RBFOX1: variants seen among roughly 807,000 people sequenced by gnomAD.
The protein encoded by RBFOX1 is RNA binding fox-1 homolog 1, also known as RNA binding protein fox-1 homolog 1.
In RBFOX1, 8 loss-of-function variants were observed where a neutral mutation model predicts 57.7. That is an observed-to-expected ratio of 0.14 (90% confidence interval 0.08 to 0.25). The LOEUF (loss-of-function observed/expected upper bound fraction) is 0.25. Ranked by LOEUF, RBFOX1 falls within the 10% of genes least tolerant of loss-of-function variation. The pLI is 1.00. For synonymous variants in RBFOX1, 326 were observed against 222.4 expected (o/e 1.47, Z -4.15); for missense variants, 611 against 548.5 (o/e 1.11, Z -1.14).
chr16:7,373,210 G>T (rs1332728090), intron 4 of RBFOX1, among the ~76,000 whole-genome samples: 2 of 152,226 alleles, frequency 1.3e-5, no homozygotes, highest in South Asian at 2.1e-4. Flanking sequence ...TGGGATTACA[G>T]GTGTGAGCCA....
intron 4 of RBFOX1, among the ~76,000 whole-genome samples, chr16:5,998,721 G>A (rs1278675395): frequency 6.6e-6 from 1 of 152,090 alleles, no homozygotes; most frequent in Non-Finnish European, 1.5e-5. Flanking sequence ...ACTTTACCCA[G>A]TCTCTGATTG....
chr16:7,572,552 A>C (rs149166607), intron 5 of RBFOX1, among the ~76,000 whole-genome samples: 5 of 152,128 alleles, frequency 3.3e-5, no homozygotes, highest in Non-Finnish European at 7.4e-5. Context: ...ATCAAAAATA[A>C]TAATAGGCTG....
intron 1 of RBFOX1, among the ~76,000 whole-genome samples, chr16:6,248,443 A>G (rs2152939565): frequency 6.6e-6 from 1 of 152,296 alleles, no homozygotes; most frequent in East Asian, 1.9e-4. Context: ...GGACATGGGT[A>G]TAAATAAGCT....
At chr16:5,872,578 A>G (rs77868969) in intron 4 of RBFOX1, among the ~76,000 whole-genome samples, 1 of 149,932 alleles carries the variant, frequency 6.7e-6, no homozygotes. Context: ...CTACAGAAAG[A>G]AAAAAAAAAT....
chr16:7,421,107 C>T (rs1245524620), intron 4 of RBFOX1, among the ~76,000 whole-genome samples: 1 of 151,922 alleles, frequency 6.6e-6, no homozygotes. Context: ...GTTGGCTTTT[C>T]TTGCTACAGG....
intron 3 of RBFOX1, among the ~76,000 whole-genome samples, chr16:5,612,253 C>A (rs764232694): frequency 6.7e-6 from 1 of 148,352 alleles, no homozygotes; most frequent in African/African-American, 2.5e-5. Flanking sequence ...ATCAGTTCTC[C>A]CATCCATCCA....
chr16:7,553,173 C>G (rs895163240), intron 5 of RBFOX1, among the ~76,000 whole-genome samples: 1 of 152,176 alleles, frequency 6.6e-6, no homozygotes, highest in African/African-American at 2.4e-5. Flanking sequence ...GAGACAGGGT[C>G]TTTCTCTGTC....
At chr16:6,020,192 C>T (rs1252069366) in intron 1 of RBFOX1, among the ~76,000 whole-genome samples, 200 bp downstream of exon 1, 1 of 151,778 alleles carries the variant, frequency 6.6e-6, no homozygotes, top group African/African-American at 2.4e-5. Flanking sequence ...GAGGCCGAGA[C>T]CCTGAGCCCC....
chr16:6,316,085 A>G (rs767866979), intron 1 of RBFOX1, among the ~76,000 whole-genome samples: 12 of 152,174 alleles, frequency 7.9e-5, no homozygotes, highest in Non-Finnish European at 1.5e-4. Flanking sequence ...GAGTAATTCA[A>G]TTATCGATGG....
chr16:6,840,406 G>C (rs574134439), intron 3 of RBFOX1, among the ~76,000 whole-genome samples: 10 of 152,242 alleles, frequency 6.6e-5, no homozygotes, highest in Non-Finnish European at 1.2e-4. Context: ...TTCATTAAAT[G>C]TTGAGTATGA....
At chr16:6,807,560 G>C (rs1555489177) in intron 3 of RBFOX1, among the ~76,000 whole-genome samples, 1 of 152,078 alleles carries the variant, frequency 6.6e-6, no homozygotes, top group Non-Finnish European at 1.5e-5. Flanking sequence ...GCTCACACCT[G>C]TAATCCCAGC....
intron 4 of RBFOX1, among the ~76,000 whole-genome samples, chr16:7,096,066 A>G (rs540150391): frequency 1.4e-4 from 21 of 152,154 alleles, no homozygotes; most frequent in African/African-American, 5.1e-4. Flanking sequence ...GAGAGCATCT[A>G]ATGCATGAGA....
At chr16:7,260,953 C>T (rs187106123) in intron 4 of RBFOX1, among the ~76,000 whole-genome samples, 2 of 152,266 alleles carry the variant, frequency 1.3e-5, no homozygotes, top group East Asian at 3.9e-4. Flanking sequence ...CACCTACAGC[C>T]CCTTCAAGGG....
chr16:5,840,699 T>A lies in RBFOX1; in HGVS notation c.319-26604T>A, dbSNP rs182217970. On this transcript the variant is annotated intron_variant, in intron 3 of 19. Transcript: ENST00000641259. ...GCCGTGGGTCACCACTGCTTGGAGATGTGTGTAGGTGAAGCAGAAGGAGCC... is the reference window on the plus strand; with the variant it reads ...GCCGTGGGTCACCACTGCTTGGAGAAGTGTGTAGGTGAAGCAGAAGGAGCC... Among the ~76,000 whole-genome samples the A allele has an allele frequency of 3.0e-4, 46 of 152,262 alleles. 1 individual carries two copies. Among genetic ancestry groups the A allele is most frequent in the Admixed American group, 2.6e-3 (39 of 15,288 alleles).
intron 3 of RBFOX1, among the ~76,000 whole-genome samples, chr16:5,658,182 G>A (rs950786158): frequency 6.6e-6 from 1 of 152,162 alleles, no homozygotes; most frequent in Non-Finnish European, 1.5e-5. Context: ...ATGAAGAAAG[G>A]CTCGCAGACC....
At chr16:6,240,676 C>G (rs980420872) in intron 1 of RBFOX1, among the ~76,000 whole-genome samples, 4 of 142,228 alleles carry the variant, frequency 2.8e-5, no homozygotes, top group Admixed American at 6.9e-5. Flanking sequence ...TTATGATTTT[C>G]TTTTTCCTAA....
At chr16:6,555,617 G>A (rs554596509) in intron 2 of RBFOX1, among the ~76,000 whole-genome samples, 22 of 152,096 alleles carry the variant, frequency 1.4e-4, no homozygotes, top group African/African-American at 2.4e-4. Context: ...GGAGAATGGC[G>A]TGAATCCGGG....
intron 1 of RBFOX1, among the ~76,000 whole-genome samples, chr16:6,048,753 A>C (rs917960610): frequency 1.3e-5 from 2 of 152,204 alleles, no homozygotes; most frequent in Admixed American, 6.5e-5. Context: ...ATTAAAACCT[A>C]TAAGAGGTAG....
intron 4 of RBFOX1, among the ~76,000 whole-genome samples, chr16:7,341,396 C>G (rs555040634): frequency 6.6e-6 from 1 of 152,164 alleles, no homozygotes; most frequent in African/African-American, 2.4e-5. Flanking sequence ...TCATAGATTT[C>G]GTGACTGTTG....
Sources: gnomAD v4.1 joint callset for allele counts (sites outside exome capture counted in the v4.1 genomes callset) on GRCh38, gnomAD v4.1.1 for gene constraint, MANE v1.5 for transcripts, NCBI Gene and HGNC (gene_info 2026-07-23, HGNC 2026-07-21) for gene names.